SNED1: variants seen among roughly 807,000 people sequenced by gnomAD.
SNED1 encodes sushi, nidogen and EGF like domains 1.
SNED1 carries 81 observed loss-of-function variants against 166.7 expected under a neutral mutation model. The observed-to-expected ratio is 0.49, with a 90% CI of 0.41 to 0.58. The LOEUF (loss-of-function observed/expected upper bound fraction) is 0.58, where lower values mean the gene tolerates loss of function less well. SNED1 is among the 20% of genes least tolerant of loss of function. The pLI, the probability that SNED1 is intolerant of heterozygous loss-of-function variation, is 0.00. For missense variants in SNED1, 1,604 were observed against 2,000.2 expected (o/e 0.80, Z 3.78); for synonymous variants, 762 against 822.0 (o/e 0.93, Z 1.25).
At chr2:241,005,781 C>G (rs1313012718) in intron 1 of SNED1, among the ~76,000 whole-genome samples, 1 of 151,930 alleles carries the variant, frequency 6.6e-6, no homozygotes, top group Non-Finnish European at 1.5e-5. Flanking sequence ...ATCTTTGTCC[C>G]TCCGCATATG....
chr2:241,086,874 A>G (rs1449340622), intron 29 of SNED1, among the ~76,000 whole-genome samples: 1 of 152,250 alleles, frequency 6.6e-6, no homozygotes. Flanking sequence ...TTTACCTGCA[A>G]CCGAGGCTTA....
Position 241,034,687 on chromosome 2 carries a change from A to C in SNED1, c.762A>C (p.Arg254Ser). ...NVGVPGRWAF[R>S]IDDAQVRVGG... ...GTGTGCCCGGGCGCTGGGCGTTCAG[A>C]ATCGATGATGCCCAGGTGCGCGTGG... is the stretch of plus-strand genomic sequence containing the variant. The change falls in exon 4 of 32, where the codon AGA becomes AGC. Residue 254 changes from arginine to serine, a missense_variant. Arg to Ser is a moderately radical substitution (Grantham distance 110). Transcript: ENST00000310397. The C allele has an allele frequency of 6.2e-7, 1 of 1,602,164 alleles. No homozygotes were observed. The highest frequency in any genetic ancestry group is 8.5e-7 in the Non-Finnish European group (1 of 1,175,068).
rs1481908241 is a variant in SNED1 at position 241,071,713 on chromosome 2, C to G, written c.3727C>G (p.Pro1243Ala). 7 of 1,493,942 alleles carry G rather than the reference C, an allele frequency of 4.7e-6. No individual in the cohort carries two copies. The highest frequency in any genetic ancestry group is 1.8e-6 in the Non-Finnish European group (2 of 1,107,688). The allele number at this position is 1,493,942 out of a possible 1,614,324, so 92.5% of individuals were successfully genotyped here. The change falls in exon 25 of 32, where the codon CCC (proline) becomes GCC (alanine). Residue 1243 changes from proline to alanine, a missense_variant. Around this residue, in one of 2 missense-constraint regions of SNED1, gnomAD observed 367 missense variants for 379.4 expected, o/e 0.97. Coordinates refer to ENST00000310397, the MANE Select transcript of SNED1 (RefSeq NM_001080437.3). ...CAGCGCCCCCGAGACCCCCACCCAGCCCCCCAGGTACATGCCCCACCCATC... is the reference window on the plus strand; with the variant it reads ...CAGCGCCCCCGAGACCCCCACCCAGGCCCCCAGGTACATGCCCCACCCATC... ...DHSAPETPTQPPRFSELVDGR... is the reference protein window; with the variant it reads ...DHSAPETPTQAPRFSELVDGR...
intron 1 of SNED1, among the ~76,000 whole-genome samples, chr2:241,020,428 G>T (rs12464072): frequency 0.15 from 22,978 of 152,236 alleles, 1,798 homozygotes; most frequent in African/African-American, 0.19. Context: ...GGCATCGGGG[G>T]CCCCGTGACT....
At chr2:241,055,484 C>G (rs1445728711) in intron 16 of SNED1, among the ~76,000 whole-genome samples, 1 of 152,198 alleles carries the variant, frequency 6.6e-6, no homozygotes, top group Middle Eastern at 3.4e-3. Context: ...CTGAAGAGAT[C>G]CATTTGGTTA....
intron 17 of SNED1, chr2:241,063,255 G>C (rs1038255698): frequency 2.1e-6 from 1 of 481,860 alleles, no homozygotes; most frequent in Non-Finnish European, 3.8e-6. Flanking sequence ...CTTGTACCTC[G>C]CTAGGGCTCT....
At chr2:241,032,080 T>G (rs947490105) in intron 2 of SNED1, among the ~76,000 whole-genome samples, 1 of 152,208 alleles carries the variant, frequency 6.6e-6, no homozygotes, top group African/African-American at 2.4e-5. Context: ...CAGGGTGCGA[T>G]GGCTCACCCC....
At position 241,030,264 on chromosome 2, in the gene SNED1, T is replaced by C; in HGVS notation, c.214-20T>C. ...CCCACAGCCCCCAGTCAATCCCCGC[T>C]CTGGCTTTCTGCCTCCCAGGTGAAC... On this transcript the variant is annotated intron_variant, in intron 1 of 31. Transcript: ENST00000310397. The C allele has an allele frequency of 6.5e-7, 1 of 1,549,726 alleles. No individual in the cohort carries two copies. Among genetic ancestry groups the C allele is most frequent in the Non-Finnish European group, 8.7e-7 (1 of 1,144,388 alleles).
intron 10 of SNED1, 92 bp from the exon 11 acceptor site, chr2:241,048,930 C>A (rs2061745445): frequency 7.7e-7 from 1 of 1,294,248 alleles, no homozygotes. Context: ...GTTGGGGCCA[C>A]TGGGTCTTGG....
intron 1 of SNED1, among the ~76,000 whole-genome samples, chr2:241,004,734 G>GT (rs765888339): frequency 6.6e-6 from 1 of 151,532 alleles, no homozygotes; most frequent in Non-Finnish European, 1.5e-5. Context: ...TTGTTTGTTT[G>GT]TTTTTTTGAG....
intron 1 of SNED1, among the ~76,000 whole-genome samples, chr2:241,016,584 C>T (rs180832370): frequency 7.0e-4 from 106 of 152,232 alleles, no homozygotes; most frequent in South Asian, 2.3e-3. Context: ...GTGAAATTGG[C>T]CTGGAGTTGT....
At chr2:241,081,595 CAAGG>C in intron 27 of SNED1, 78 bp from the exon 28 acceptor site, 1 of 1,013,522 alleles carries the variant, frequency 9.9e-7, no homozygotes, top group Non-Finnish European at 1.5e-6. Flanking sequence ...ATCAGGTCAT[CAAGG>C]AAGGGACAGC....
At position 241,013,522 on chromosome 2, in the gene SNED1, T is replaced by C. The variant is rs2060481621; in HGVS notation, c.213+14472T>C. ...ATATTTTTTTATTTTTCTTTTTTTGTAGAGACAGGGTCTTGCTATGTTGTC... is the reference window on the plus strand; with the variant it reads ...ATATTTTTTTATTTTTCTTTTTTTGCAGAGACAGGGTCTTGCTATGTTGTC... On this transcript the variant is annotated intron_variant, in intron 1 of 31. Coordinates refer to ENST00000310397, the MANE Select transcript of SNED1 (RefSeq NM_001080437.3). This position sits in a 1 kb window ranked among gnomAD's most constrained non-coding sequence, Gnocchi z 4.6. 6.6e-6 allele frequency among the ~76,000 whole-genome samples: 1 copy of C among 152,050 alleles called. No homozygotes were observed. Among genetic ancestry groups the C allele is most frequent in the South Asian group, 2.1e-4 (1 of 4,810 alleles).
chr2:241,078,151 G>A (rs150415305), intron 27 of SNED1, among the ~76,000 whole-genome samples: 3,171 of 152,126 alleles, frequency 0.021, 124 homozygotes, highest in East Asian at 0.094. Flanking sequence ...TTGGGAGGCC[G>A]AGGCGGGCAG....
rs949903435 is a variant in SNED1 at position 241,018,147 on chromosome 2, G to A, written c.214-12137G>A. Among the ~76,000 whole-genome samples the A allele has an allele frequency of 6.6e-6, 1 of 152,196 alleles. No homozygotes were observed. On this transcript the variant is annotated intron_variant, in intron 1 of 31. Coordinates refer to ENST00000310397, the MANE Select transcript of SNED1 (RefSeq NM_001080437.3). This position sits in a 1 kb window ranked among gnomAD's most constrained non-coding sequence, Gnocchi z 5.4. ...GAGAACCGCCATTCGCCTTGCCGTG[G>A]TCCCTGCTGTGCTGATTTGGTTAAG... is the stretch of plus-strand genomic sequence containing the variant.
At chr2:241,022,267 A>G (rs764234414) in intron 1 of SNED1, among the ~76,000 whole-genome samples, 9 of 152,262 alleles carry the variant, frequency 5.9e-5, no homozygotes, top group Middle Eastern at 3.4e-3. Flanking sequence ...TTTGTTGCCT[A>G]TGCTTTTGGT....
intron 29 of SNED1, among the ~76,000 whole-genome samples, chr2:241,085,645 A>G (rs896919245): frequency 1.3e-5 from 2 of 152,014 alleles, no homozygotes; most frequent in African/African-American, 4.8e-5. Flanking sequence ...TGAATGTCTT[A>G]TAGTTTTTTA....
At position 241,018,756 on chromosome 2, in the gene SNED1, T is replaced by G. The variant is rs776596179; in HGVS notation, c.214-11528T>G. 1.3e-5 allele frequency among the ~76,000 whole-genome samples: 2 copies of G among 151,910 alleles called. No homozygotes were observed. The highest frequency in any genetic ancestry group is 2.9e-5 in the Non-Finnish European group (2 of 67,982). On this transcript the variant is annotated intron_variant, in intron 1 of 31. Transcript: ENST00000310397. The surrounding 1 kb of genome is among the most constrained non-coding windows in gnomAD (Gnocchi z 5.4). ...AGTGCCGTCAACCAAGCCACCCACATGTTCATGACTCAGGACTGTGTCAGC... is the reference window on the plus strand; with the variant it reads ...AGTGCCGTCAACCAAGCCACCCACAGGTTCATGACTCAGGACTGTGTCAGC...
At chr2:241,008,916 G>A (rs2060302769) in intron 1 of SNED1, among the ~76,000 whole-genome samples, 1 of 152,238 alleles carries the variant, frequency 6.6e-6, no homozygotes, top group Non-Finnish European at 1.5e-5. Flanking sequence ...CAAGGGTCAG[G>A]CACGGCCTCT....
Sources: allele counts gnomAD v4.1 joint callset (sites outside exome capture counted in the v4.1 genomes callset), GRCh38; gene constraint gnomAD v4.1.1; regional missense constraint gnomAD v4.1.1; non-coding constraint Gnocchi (gnomAD v3.1); transcripts MANE v1.5; gene names NCBI Gene and HGNC (gene_info 2026-07-23, HGNC 2026-07-21).